Variants in C12orf42 observed in about 807,000 individuals in gnomAD.
C12orf42 encodes uncharacterized protein C12orf42.
In C12orf42, 25 loss-of-function variants were observed where a neutral mutation model predicts 21.6. That is an observed-to-expected ratio of 1.16 (90% CI 0.84 to 1.62). The LOEUF (loss-of-function observed/expected upper bound fraction) is 1.62, where lower values mean the gene tolerates loss of function less well. Ranked by LOEUF, C12orf42 falls within the 40% of genes most tolerant of loss-of-function variation. The pLI is 0.00. For synonymous variants in C12orf42, 174 were observed against 175.0 expected (o/e 0.99, Z 0.05); for missense variants, 483 against 459.3 (o/e 1.05, Z -0.47).
intron 3 of C12orf42, among the ~76,000 whole-genome samples, chr12:103,393,113 G>A (rs2047213040): frequency 6.6e-6 from 1 of 151,934 alleles, no homozygotes; most frequent in Non-Finnish European, 1.5e-5. Context: ...TTCTGTGTTA[G>A]TCCATTCTTG....
chr12:103,233,253 G>C (rs2033359804), downstream of C12orf42, among the ~76,000 whole-genome samples: 1 of 152,168 alleles, frequency 6.6e-6, no homozygotes, highest in African/African-American at 2.4e-5. Flanking sequence ...AGGTCAGATA[G>C]TGTCAGTCCT....
At chr12:103,401,420 TCAAA>T (rs201840319) in intron 3 of C12orf42, among the ~76,000 whole-genome samples, 183 bp downstream of exon 3, 2,104 of 152,294 alleles carry the variant, frequency 0.014, 45 homozygotes, top group African/African-American at 0.047. Flanking sequence ...GGCATGACTC[TCAAA>T]CAGAGATCCA....
At chr12:103,193,588 A>T in the C12orf42 span, among the ~76,000 whole-genome samples, 61 of 152,214 alleles carry the variant, frequency 4.0e-4, no homozygotes, top group African/African-American at 1.4e-3. Flanking sequence ...CAAAATGAAC[A>T]ATCTATAAGA....
the C12orf42 span, among the ~76,000 whole-genome samples, chr12:103,164,028 G>T: frequency 6.6e-6 from 1 of 152,174 alleles, no homozygotes; most frequent in Non-Finnish European, 1.5e-5. Context: ...ACCAGGTCAT[G>T]ATGCAATGAT....
At chr12:103,082,228 C>A in the C12orf42 span, among the ~76,000 whole-genome samples, 25 of 152,222 alleles carry the variant, frequency 1.6e-4, no homozygotes, top group Admixed American at 5.9e-4. Flanking sequence ...TGTCAAGTGA[C>A]CATATAATTT....
intron 4 of C12orf42, among the ~76,000 whole-genome samples, chr12:103,290,779 G>C (rs898896625): frequency 6.6e-6 from 1 of 151,992 alleles, no homozygotes; most frequent in Non-Finnish European, 1.5e-5. Context: ...TTCCATGCAC[G>C]CTATACATTT....
At chr12:103,099,100 G>A in the C12orf42 span, among the ~76,000 whole-genome samples, 2 of 152,172 alleles carry the variant, frequency 1.3e-5, no homozygotes, top group Non-Finnish European at 2.9e-5. Context: ...ATAAATATTT[G>A]ATCTGGAAGT....
chr12:103,247,284 G>A (rs2034055506), intron 10 of C12orf42, among the ~76,000 whole-genome samples: 1 of 149,152 alleles, frequency 6.7e-6, no homozygotes. Context: ...AAAGTTCTTT[G>A]CAGTTTCTCA....
intron 3 of C12orf42, among the ~76,000 whole-genome samples, chr12:103,389,213 G>A (rs573545772): frequency 1.3e-5 from 2 of 152,330 alleles, no homozygotes; most frequent in South Asian, 4.1e-4. Context: ...GAATGGGTTG[G>A]GGGTGGGGGA....
the C12orf42 span, among the ~76,000 whole-genome samples, chr12:103,232,217 T>C: frequency 6.6e-6 from 1 of 152,230 alleles, no homozygotes; most frequent in African/African-American, 2.4e-5. Flanking sequence ...CTTTCTCAGA[T>C]ATGCATTTAG....
intron 1 of C12orf42, among the ~76,000 whole-genome samples, chr12:103,495,491 C>T (rs990430976): frequency 6.6e-6 from 1 of 151,646 alleles, no homozygotes; most frequent in South Asian, 2.1e-4. Flanking sequence ...GTGGGGAGGG[C>T]GGCGGTGGCA....
the C12orf42 span, among the ~76,000 whole-genome samples, chr12:103,099,992 A>G: frequency 2.0e-5 from 3 of 152,328 alleles, no homozygotes; most frequent in East Asian, 5.8e-4. Flanking sequence ...GCCAGATGGA[A>G]TAATTTACCC....
chr12:103,440,187 T>C (rs1951089806), intron 2 of C12orf42, among the ~76,000 whole-genome samples: 1 of 142,812 alleles, frequency 7.0e-6, no homozygotes, highest in Non-Finnish European at 1.5e-5. Context: ...ATATTCTCAC[T>C]CATAGGTGGG....
chr12:103,507,969 G>C, the C12orf42 span, among the ~76,000 whole-genome samples: 3 of 152,298 alleles, frequency 2.0e-5, no homozygotes, highest in South Asian at 6.2e-4. Context: ...CCTGTGTGAA[G>C]TGAGAGGGCT....
At chr12:103,057,863 TTG>T in the C12orf42 span, among the ~76,000 whole-genome samples, 2 of 152,180 alleles carry the variant, frequency 1.3e-5, no homozygotes, top group Non-Finnish European at 2.9e-5. Context: ...CCAGCATCCA[TTG>T]TTTCTTGACT....
chr12:103,466,299 C>G (rs190141574), intron 2 of C12orf42, among the ~76,000 whole-genome samples: 2 of 152,110 alleles, frequency 1.3e-5, no homozygotes, highest in East Asian at 3.9e-4. Flanking sequence ...CAAGTCTTTT[C>G]GGAATATTCC....
intron 2 of C12orf42, among the ~76,000 whole-genome samples, chr12:103,410,581 G>A (rs2048760606): frequency 6.6e-6 from 1 of 152,152 alleles, no homozygotes; most frequent in African/African-American, 2.4e-5. Context: ...AGGATGGATG[G>A]GGAATATCTA....
chr12:103,314,366 C>T (rs531008044), intron 4 of C12orf42, among the ~76,000 whole-genome samples: 2 of 152,230 alleles, frequency 1.3e-5, no homozygotes, highest in East Asian at 3.9e-4. Flanking sequence ...CTTTGATGTG[C>T]CTGGTAGTTT....
intron 3 of C12orf42, among the ~76,000 whole-genome samples, chr12:103,395,206 TATG>T (rs1214117123): frequency 6.6e-6 from 1 of 152,252 alleles, no homozygotes; most frequent in Non-Finnish European, 1.5e-5. Flanking sequence ...TTTTTTCTAA[TATG>T]ATATCTTCCT....
Sources: gnomAD v4.1 joint callset for allele counts (sites outside exome capture counted in the v4.1 genomes callset) on GRCh38, gnomAD v4.1.1 for gene constraint, MANE v1.5 for transcripts, NCBI Gene and HGNC (gene_info 2026-07-23, HGNC 2026-07-21) for gene names.